Variants in GFRA2 observed in about 807,000 individuals in gnomAD.
The protein encoded by GFRA2 is GDNF family receptor alpha 2, also known as GDNF family receptor alpha-2.
GFRA2 carries 17 observed loss-of-function variants against 48.3 expected under a neutral mutation model. The observed-to-expected ratio is 0.35, with a 90% CI of 0.24 to 0.53. The LOEUF (loss-of-function observed/expected upper bound fraction) is 0.53, where lower values mean the gene tolerates loss of function less well. GFRA2 is among the 20% of genes least tolerant of loss of function. GFRA2 has a pLI of 0.93. For missense variants in GFRA2, 660 were observed against 637.3 expected, an observed-to-expected ratio of 1.04 and a Z score of -0.38; for synonymous variants, 305 against 257.2, an observed-to-expected ratio of 1.19 and a Z score of -1.78.
At chr8:21,773,621 A>C (rs1806546840) in intron 3 of GFRA2, among the ~76,000 whole-genome samples, 1 of 152,270 alleles carries the variant, frequency 6.6e-6, no homozygotes, top group Non-Finnish European at 1.5e-5. Context: ...CCTTCAAGAC[A>C]AAATGTTATT....
chr8:21,717,011 T>A (rs951374228), intron 4 of GFRA2, among the ~76,000 whole-genome samples: 1 of 152,242 alleles, frequency 6.6e-6, no homozygotes, highest in Non-Finnish European at 1.5e-5. Flanking sequence ...TAAACACTGC[T>A]ACTGCTATTT....
Position 21,692,017 on chromosome 8 carries a change from C to G in GFRA2, c.*1261G>C, listed in dbSNP as rs1159721869. On this transcript the variant is annotated 3_prime_UTR_variant, in exon 9 of 9. Coordinates refer to ENST00000524240, the MANE Select transcript of GFRA2 (RefSeq NM_001495.5). ...CCCCACGGGACCGAGGCAGAGGCAG[C>G]TTGCTTCCTAGCACGTTTATTGGAG... The G allele has an allele frequency of 2.6e-5, 4 of 152,666 alleles. No individual in the cohort carries two copies. Among genetic ancestry groups the G allele is most frequent in the African/African-American group, 9.7e-5 (4 of 41,448 alleles). 9.5% of individuals were successfully genotyped at this position (152,666 alleles called of 1,614,324 possible).
Position 21,782,734 on chromosome 8 carries a change from C to A in GFRA2, c.206G>T (p.Arg69Leu). Residue 69 changes from arginine to leucine, a missense_variant, in exon 2 of 9, where the codon CGC (arginine) becomes CTC (leucine). By Grantham distance (102) the Arg-to-Leu change is moderately radical. Transcript: ENST00000524240. ...TLRQCLAGRD[R>L]NTMLANKECQ... ...CTCCTTGTTGGCCAGCATGGTGTTG[C>A]GGTCGCGGCCTGCCAGGCACTGCCG... is the stretch of plus-strand genomic sequence containing the variant. 1.3e-6 allele frequency: 2 copies of A among 1,596,860 alleles called. No homozygotes were observed. The highest frequency in any genetic ancestry group is 1.7e-6 in the Non-Finnish European group (2 of 1,172,572).
chr8:21,702,813 A>C lies in GFRA2; in HGVS notation c.1210T>G (p.Ser404Ala), dbSNP rs1266730354. 6.2e-7 allele frequency: 1 copy of C among 1,605,516 alleles called. No homozygotes were observed. The highest frequency in any genetic ancestry group is 1.1e-5 in the South Asian group (1 of 90,562). The stretch of plus-strand genomic sequence containing the variant: ...CAGCCACACACCCTCACCTGGACAG[A>C]CGTGCAGGTGGTGATGACACTGGTC... ...LGTSVITTCT[S>A]VQEQGLKANN... Residue 404 changes from serine (S) to alanine (A), a missense_variant, in exon 7 of 9, where the codon TCT becomes GCT. Transcript: ENST00000524240.
At chr8:21,735,687 G>A (rs576751724) in intron 4 of GFRA2, among the ~76,000 whole-genome samples, 1 of 152,298 alleles carries the variant, frequency 6.6e-6, no homozygotes, top group East Asian at 1.9e-4. Flanking sequence ...CTTGAGACAG[G>A]GTCTGTACTC....
intron 4 of GFRA2, among the ~76,000 whole-genome samples, chr8:21,707,131 G>A (rs1015618770): frequency 1.3e-5 from 2 of 152,198 alleles, no homozygotes; most frequent in Non-Finnish European, 2.9e-5. Flanking sequence ...CTTTCCCAAT[G>A]ATGGGAACTC....
intron 2 of GFRA2, among the ~76,000 whole-genome samples, chr8:21,775,384 T>G (rs1806644660): frequency 6.6e-6 from 1 of 152,110 alleles, no homozygotes; most frequent in African/African-American, 2.4e-5. Flanking sequence ...CTGGGGGAAG[T>G]GGAGCAATGC....
In GFRA2 at chr8:21,693,240, C is replaced by A. The variant is rs143786626; in HGVS notation, c.*38G>T. On this transcript the variant is annotated 3_prime_UTR_variant, in exon 9 of 9. Coordinates refer to ENST00000524240, the MANE Select transcript of GFRA2 (RefSeq NM_001495.5). Reference sequence around the variant, plus strand: ...TTCGTCAGGCGGCTGTTCTTGTCTGCGTAGCTTTCAAAAATATTCTGACTC... The same window carrying A: ...TTCGTCAGGCGGCTGTTCTTGTCTGAGTAGCTTTCAAAAATATTCTGACTC... 2.0e-5 allele frequency: 32 copies of A among 1,588,398 alleles called. No homozygotes were observed. The highest frequency in any genetic ancestry group is 2.7e-5 in the Non-Finnish European group (31 of 1,163,780).
chr8:21,759,552 A>AGGAAGGAG (rs1805793825), intron 3 of GFRA2, among the ~76,000 whole-genome samples: 2 of 144,494 alleles, frequency 1.4e-5, no homozygotes, highest in African/African-American at 5.1e-5. Context: ...GAGGGAAGGA[A>AGGAAGGAG]GGAAGGAAAG....
intron 4 of GFRA2, among the ~76,000 whole-genome samples, chr8:21,726,392 C>T (rs1404872187): frequency 2.0e-5 from 3 of 152,168 alleles, no homozygotes; most frequent in African/African-American, 7.2e-5. Flanking sequence ...TGGGAGACCC[C>T]GCCTCACTAG....
At chr8:21,776,730 T>C (rs1208866382) in intron 2 of GFRA2, among the ~76,000 whole-genome samples, 1 of 152,026 alleles carries the variant, frequency 6.6e-6, no homozygotes, top group African/African-American at 2.4e-5. Flanking sequence ...CTCAGCCTCC[T>C]AAAGTGCTGG....
upstream of GFRA2, among the ~76,000 whole-genome samples, chr8:21,792,666 G>T (rs1807595750): frequency 6.6e-6 from 1 of 152,202 alleles, no homozygotes; most frequent in Non-Finnish European, 1.5e-5. Context: ...GACTTGCTAG[G>T]GGTAGGATTC....
At chr8:21,738,214 C>T (rs1585277539) in intron 4 of GFRA2, among the ~76,000 whole-genome samples, 2 of 93,172 alleles carry the variant, frequency 2.1e-5, no homozygotes, top group Non-Finnish European at 4.7e-5. Flanking sequence ...CCTCCCCCTC[C>T]TCCTCCTCCC....
intron 1 of GFRA2, among the ~76,000 whole-genome samples, chr8:21,787,123 C>G (rs1459624993): frequency 6.6e-6 from 1 of 152,176 alleles, no homozygotes; most frequent in Non-Finnish European, 1.5e-5. Context: ...CCTCACCTCC[C>G]TCCGGAGATT....
chr8:21,695,217 A>G (rs1005534007), intron 7 of GFRA2, among the ~76,000 whole-genome samples: 46 of 152,252 alleles, frequency 3.0e-4, no homozygotes, highest in Middle Eastern at 3.4e-3. Context: ...TGGTGTGGCC[A>G]CCTGGATGCA....
chr8:21,771,416 G>A (rs1806433742), intron 3 of GFRA2, among the ~76,000 whole-genome samples: 2 of 152,144 alleles, frequency 1.3e-5, no homozygotes, highest in African/African-American at 4.8e-5. Flanking sequence ...CATCACTGTC[G>A]CTGTGACTCA....
chr8:21,780,693 G>T (rs1330444452), intron 2 of GFRA2, among the ~76,000 whole-genome samples: 1 of 151,970 alleles, frequency 6.6e-6, no homozygotes, highest in Non-Finnish European at 1.5e-5. Flanking sequence ...TCTAAGACTG[G>T]CCTGATTCTT....
At chr8:21,776,579 T>C (rs1178284620) in intron 2 of GFRA2, among the ~76,000 whole-genome samples, 1 of 150,528 alleles carries the variant, frequency 6.6e-6, no homozygotes, top group Non-Finnish European at 1.5e-5. Context: ...CAAGCGATCC[T>C]CCCACCTCAG....
chr8:21,783,332 C>T (rs1807107233), intron 1 of GFRA2, among the ~76,000 whole-genome samples: 1 of 152,104 alleles, frequency 6.6e-6, no homozygotes, highest in African/African-American at 2.4e-5. Flanking sequence ...CCAGCTCCAG[C>T]CAGAGGCCCA....
Sources: allele counts gnomAD v4.1 joint callset (sites outside exome capture counted in the v4.1 genomes callset), GRCh38; gene constraint gnomAD v4.1.1; transcripts MANE v1.5; gene names NCBI Gene and HGNC (gene_info 2026-07-23, HGNC 2026-07-21).